ZNF407: variants seen among roughly 807,000 people sequenced by gnomAD.
ZNF407 encodes zinc finger protein 407.
Under a neutral mutation model 131.2 loss-of-function variants are expected in ZNF407, and 17 were observed. The ratio of observed to expected loss-of-function variants is 0.13; its 90% CI spans 0.09 to 0.19. ZNF407 has a LOEUF of 0.19. Among genes scored for constraint, ZNF407 ranks in the 10% least tolerant of loss-of-function variants. ZNF407 has a pLI of 1.00. For synonymous variants in ZNF407, 1,156 were observed against 1,062.0 expected, an observed-to-expected ratio of 1.09 and a Z score of -1.72; for missense variants, 2,681 against 2,830.6, an observed-to-expected ratio of 0.95 and a Z score of 1.20.
chr18:74,637,900 G>A (rs187317537), intron 2 of ZNF407, among the ~76,000 whole-genome samples: 68 of 152,244 alleles, frequency 4.5e-4, no homozygotes, highest in Admixed American at 1.8e-3. Context: ...AGCATCGTAG[G>A]AAAAAGGATC....
chr18:74,668,672 T>G (rs574061171), intron 3 of ZNF407, among the ~76,000 whole-genome samples: 1 of 152,360 alleles, frequency 6.6e-6, no homozygotes, highest in Non-Finnish European at 1.5e-5. Context: ...AGACTTAGAA[T>G]GGATGAGATT....
At chr18:74,924,418 C>A (rs1428502948) in intron 8 of ZNF407, among the ~76,000 whole-genome samples, 4 of 152,094 alleles carry the variant, frequency 2.6e-5, no homozygotes, top group African/African-American at 9.7e-5. Context: ...TTTACAGTCA[C>A]ATTAATCTTC....
chr18:75,063,267 C>A lies in ZNF407; in HGVS notation c.5546C>A (p.Pro1849His). Residue 1849 changes from proline (P) to histidine (H), a missense_variant, in exon 9 of 9, where the codon CCC (proline) becomes CAC (histidine). Physicochemically the swap from Pro to His is moderately conservative, Grantham distance 77. This residue lies in a region of ZNF407 where 620 missense variants were observed against 583.1 expected (regional missense o/e 1.06). Coordinates refer to ENST00000299687, the MANE Select transcript of ZNF407 (RefSeq NM_017757.3). The surrounding 1 kb of genome is among the most constrained non-coding windows in gnomAD (Gnocchi z 6.6). ...LAEEPLVKEK[P>H]LRSSRRPAPP... ...GAAGAGCCCCTCGTCAAGGAGAAGC[C>A]CCTCAGAAGCAGCAGGAGGCCAGCG... The A allele has an allele frequency of 6.2e-7, 1 of 1,613,658 alleles. No individual in the cohort carries two copies.
intron 3 of ZNF407, among the ~76,000 whole-genome samples, chr18:74,749,546 T>A (rs1027381544): frequency 6.6e-6 from 1 of 152,186 alleles, no homozygotes; most frequent in Admixed American, 6.6e-5. Flanking sequence ...GTCTTTGTTA[T>A]CTGTTGTGAA....
At position 74,787,707 on chromosome 18, in the gene ZNF407, T is replaced by G. The variant is rs146895374; in HGVS notation, c.4877+6205T>G. 1.6e-3 allele frequency among the ~76,000 whole-genome samples: 238 copies of G among 152,362 alleles called. 2 individuals are homozygous for G. Among genetic ancestry groups the G allele is most frequent in the Non-Finnish European group, 2.4e-3 (166 of 68,030 alleles). ...CTTCTTTCTTCTATTCATTTCTTAATGTCCTTTCAGTTTTAGCTTTCAGTT... is the reference window on the plus strand; with the variant it reads ...CTTCTTTCTTCTATTCATTTCTTAAGGTCCTTTCAGTTTTAGCTTTCAGTT... On this transcript the variant is annotated intron_variant, in intron 4 of 8. Coordinates refer to ENST00000299687, the MANE Select transcript of ZNF407 (RefSeq NM_017757.3).
At chr18:74,793,609 T>A (rs531271205) in intron 4 of ZNF407, among the ~76,000 whole-genome samples, 1 of 152,348 alleles carries the variant, frequency 6.6e-6, no homozygotes, top group South Asian at 2.1e-4. Flanking sequence ...ATGTAATTTG[T>A]TAGAAAATTA....
chr18:74,717,059 A>T (rs1967911542), intron 3 of ZNF407, among the ~76,000 whole-genome samples: 1 of 152,170 alleles, frequency 6.6e-6, no homozygotes, highest in South Asian at 2.1e-4. Context: ...AAAAATATAT[A>T]TACGTATATG....
In ZNF407 at chr18:75,063,166, G is replaced by A. The variant is rs191576055; in HGVS notation, c.5445G>A (p.Ser1815=). The change falls in exon 9 of 9, where the codon TCG becomes TCA. Residue 1815 remains serine, a synonymous_variant. Coordinates refer to ENST00000299687, the MANE Select transcript of ZNF407 (RefSeq NM_017757.3). This position sits in a 1 kb window ranked among gnomAD's most constrained non-coding sequence, Gnocchi z 6.6. ...CTCCCTTAGGCATTGTTTCCAAGTCGTACGAGTGCCGTCTAAAGGGACAAG... is the reference window on the plus strand; with the variant it reads ...CTCCCTTAGGCATTGTTTCCAAGTCATACGAGTGCCGTCTAAAGGGACAAG... ...AYLHAGIVSK[S]YECRLKGQGA... is the part of the protein sequence containing the mutation. 3.7e-4 allele frequency: 587 copies of A among 1,586,186 alleles called. 1 individual carries two copies. Among genetic ancestry groups the A allele is most frequent in the Non-Finnish European group, 4.6e-4 (532 of 1,165,658 alleles).
At chr18:74,799,814 T>C (rs1169171377) in intron 4 of ZNF407, among the ~76,000 whole-genome samples, 1 of 151,568 alleles carries the variant, frequency 6.6e-6, no homozygotes, top group African/African-American at 2.4e-5. Context: ...GAATATTCAA[T>C]CAAAGTTTAC....
At chr18:74,748,197 A>C (rs1051901051) in intron 3 of ZNF407, among the ~76,000 whole-genome samples, 4 of 152,134 alleles carry the variant, frequency 2.6e-5, no homozygotes, top group African/African-American at 9.7e-5. Flanking sequence ...GCTTGCAAAT[A>C]ATAAAAATTA....
intron 4 of ZNF407, among the ~76,000 whole-genome samples, chr18:74,825,465 C>G (rs1041655006): frequency 6.6e-6 from 1 of 152,180 alleles, no homozygotes; most frequent in Non-Finnish European, 1.5e-5. Flanking sequence ...CCCAAAATCT[C>G]CTTAAGCTGA....
intron 1 of ZNF407, among the ~76,000 whole-genome samples, chr18:74,624,936 C>T (rs971296928): frequency 2.0e-5 from 3 of 152,210 alleles, no homozygotes; most frequent in Non-Finnish European, 1.5e-5. Context: ...TCCTTGCTCA[C>T]GTATACTCTG....
intron 3 of ZNF407, among the ~76,000 whole-genome samples, chr18:74,674,257 T>G (rs908763195): frequency 2.6e-5 from 4 of 152,184 alleles, no homozygotes; most frequent in African/African-American, 9.7e-5. Context: ...CTGGAGCATA[T>G]GGCTGTGGTG....
At chr18:74,823,211 G>A (rs1378551012) in intron 4 of ZNF407, among the ~76,000 whole-genome samples, 3 of 152,146 alleles carry the variant, frequency 2.0e-5, no homozygotes, top group African/African-American at 4.8e-5. Flanking sequence ...CCTGAAGGAA[G>A]CACTAAACAT....
At chr18:74,875,970 G>A (rs1971150143) in intron 4 of ZNF407, among the ~76,000 whole-genome samples, 1 of 152,156 alleles carries the variant, frequency 6.6e-6, no homozygotes, top group Non-Finnish European at 1.5e-5. Context: ...ATGGGAATTT[G>A]TGATATTCCG....
At chr18:74,901,487 T>C (rs1971524225) in intron 7 of ZNF407, among the ~76,000 whole-genome samples, 2 of 152,158 alleles carry the variant, frequency 1.3e-5, no homozygotes, top group Admixed American at 6.5e-5. Context: ...TCGGTGACAA[T>C]GTTTTGTTAC....
chr18:74,794,952 A>T (rs936527975), intron 4 of ZNF407, among the ~76,000 whole-genome samples: 1 of 152,202 alleles, frequency 6.6e-6, no homozygotes, highest in African/African-American at 2.4e-5. Context: ...AAAAATAGAT[A>T]AGTGAATATA....
intron 8 of ZNF407, among the ~76,000 whole-genome samples, chr18:74,932,448 G>C (rs1971993172): frequency 6.6e-6 from 1 of 152,118 alleles, no homozygotes; most frequent in Non-Finnish European, 1.5e-5. Flanking sequence ...AGTTGGATAT[G>C]TGCATTTCCC....
intron 3 of ZNF407, among the ~76,000 whole-genome samples, chr18:74,778,329 T>C (rs1035683548): frequency 1.3e-5 from 2 of 152,186 alleles, no homozygotes. Flanking sequence ...CTGGTCCTTA[T>C]TCCTTGGCAG....
Sources: gnomAD v4.1 joint callset for allele counts (sites outside exome capture counted in the v4.1 genomes callset) on GRCh38, gnomAD v4.1.1 for gene constraint, gnomAD v4.1.1 regional missense constraint, Gnocchi (gnomAD v3.1) non-coding constraint, MANE v1.5 for transcripts, NCBI Gene and HGNC (gene_info 2026-07-23, HGNC 2026-07-21) for gene names.